GRAMD2B: variants seen among roughly 807,000 people sequenced by gnomAD.
GRAMD2B encodes GRAM domain-containing protein 2B.
Under a neutral mutation model 59.2 loss-of-function variants are expected in GRAMD2B, and 41 were observed. The observed-to-expected ratio is 0.69, with a 90% confidence interval of 0.54 to 0.90. The LOEUF is 0.90. GRAMD2B is among the 40% of genes least tolerant of loss of function. The pLI, the probability that GRAMD2B is intolerant of heterozygous loss-of-function variation, is 0.00. For missense variants in GRAMD2B, 424 were observed against 500.5 expected (o/e 0.85, Z 1.46); for synonymous variants, 161 against 182.7 (o/e 0.88, Z 0.96).
chr5:126,480,599 G>T, intron 7 of GRAMD2B, 28 bp from the exon 8 acceptor site: 1 of 1,610,778 alleles, frequency 6.2e-7, no homozygotes, highest in Non-Finnish European at 8.5e-7. Context: ...AGTTAATCTG[G>T]CTTTTCGTTT....
At chr5:126,383,731 A>G (rs1049911313) in intron 1 of GRAMD2B, among the ~76,000 whole-genome samples, 5 of 152,216 alleles carry the variant, frequency 3.3e-5, no homozygotes, top group African/African-American at 9.6e-5. Context: ...GGACGAATTT[A>G]TTCACCCAGC....
At chr5:126,386,875 T>G (rs1006315557) in intron 1 of GRAMD2B, among the ~76,000 whole-genome samples, 12 of 152,114 alleles carry the variant, frequency 7.9e-5, no homozygotes, top group African/African-American at 2.4e-4. Context: ...ACAACATAGG[T>G]GAATTGTCAC....
chr5:126,396,903 G>C (rs759246762), intron 1 of GRAMD2B, among the ~76,000 whole-genome samples: 2 of 152,120 alleles, frequency 1.3e-5, no homozygotes, highest in Non-Finnish European at 2.9e-5. Context: ...CTGTGGTTTT[G>C]ATTTGCATTT....
intron 1 of GRAMD2B, among the ~76,000 whole-genome samples, chr5:126,401,007 A>AT (rs1235598598): frequency 2.0e-5 from 3 of 152,064 alleles, no homozygotes; most frequent in Non-Finnish European, 2.9e-5. Context: ...TTTTCAGCCA[A>AT]TTTTTTAAAA....
chr5:126,404,868 A>T (rs1164550989), intron 1 of GRAMD2B, among the ~76,000 whole-genome samples: 1 of 151,902 alleles, frequency 6.6e-6, no homozygotes, highest in Non-Finnish European at 1.5e-5. Flanking sequence ...TAATAACAAA[A>T]AATAAATCAT....
chr5:126,382,938 C>G (rs1340507503), intron 1 of GRAMD2B, among the ~76,000 whole-genome samples: 1 of 152,024 alleles, frequency 6.6e-6, no homozygotes, highest in Non-Finnish European at 1.5e-5. Context: ...TCCTGAGAGC[C>G]AGACTGCAGT....
At chr5:126,408,092 C>G (rs765845456) in intron 1 of GRAMD2B, among the ~76,000 whole-genome samples, 5 of 151,934 alleles carry the variant, frequency 3.3e-5, no homozygotes, top group Non-Finnish European at 5.9e-5. Context: ...TTTTTCAACC[C>G]TTGCTCCCCT....
At chr5:126,452,584 A>G (rs1465442026) in intron 1 of GRAMD2B, among the ~76,000 whole-genome samples, 1 of 152,194 alleles carries the variant, frequency 6.6e-6, no homozygotes, top group Admixed American at 6.5e-5. Context: ...TTATCCGTCC[A>G]TCAGTAAGTC....
intron 1 of GRAMD2B, among the ~76,000 whole-genome samples, chr5:126,409,340 C>T (rs1198635004): frequency 3.9e-5 from 6 of 152,200 alleles, no homozygotes; most frequent in Non-Finnish European, 4.4e-5. Flanking sequence ...CACATCCTCT[C>T]CAGCACTTGT....
At chr5:126,389,548 T>C (rs796684714) in intron 1 of GRAMD2B, among the ~76,000 whole-genome samples, 4 of 152,348 alleles carry the variant, frequency 2.6e-5, no homozygotes, top group African/African-American at 9.6e-5. Flanking sequence ...TTTATTATTA[T>C]TATTGCAAGT....
At chr5:126,459,966 A>G (rs1346747020) in intron 1 of GRAMD2B, among the ~76,000 whole-genome samples, 1 of 152,234 alleles carries the variant, frequency 6.6e-6, no homozygotes, top group Admixed American at 6.5e-5. Flanking sequence ...ATATAAGGAC[A>G]TTTGTTGCAA....
chr5:126,402,848 G>C (rs902853366), intron 1 of GRAMD2B, among the ~76,000 whole-genome samples: 2 of 151,982 alleles, frequency 1.3e-5, no homozygotes, highest in African/African-American at 4.8e-5. Flanking sequence ...AAACACATCT[G>C]GCCCCATGAG....
chr5:126,375,347 C>G (rs549323525), intron 1 of GRAMD2B, among the ~76,000 whole-genome samples: 1 of 151,920 alleles, frequency 6.6e-6, no homozygotes, highest in African/African-American at 2.4e-5. Context: ...TTTTACCTTT[C>G]CAAAATTTAC....
chr5:126,451,957 C>A (rs994946987), intron 1 of GRAMD2B, among the ~76,000 whole-genome samples: 1 of 152,016 alleles, frequency 6.6e-6, no homozygotes, highest in African/African-American at 2.4e-5. Context: ...TGCCTGCTCC[C>A]CCTTCGCCTT....
upstream of GRAMD2B, chr5:126,371,273 T>C (rs1416483937): frequency 9.1e-7 from 1 of 1,101,254 alleles, no homozygotes; most frequent in Non-Finnish European, 1.1e-6. Flanking sequence ...TGTTAATCAT[T>C]AACTGACTTT....
intron 1 of GRAMD2B, chr5:126,465,126 C>A: frequency 8.2e-7 from 1 of 1,220,982 alleles, no homozygotes; most frequent in Non-Finnish European, 1.0e-6. Flanking sequence ...TCCAGGTGAT[C>A]TGCTGCCCCA....
intron 13 of GRAMD2B, among the ~76,000 whole-genome samples, 196 bp downstream of exon 13, chr5:126,489,088 C>T (rs1425159233): frequency 6.6e-6 from 1 of 152,246 alleles, no homozygotes; most frequent in Non-Finnish European, 1.5e-5. Flanking sequence ...GTCTTAATCT[C>T]ATTTTCCTTG....
upstream of GRAMD2B, among the ~76,000 whole-genome samples, chr5:126,422,419 G>C (rs559379548): frequency 6.6e-6 from 1 of 152,042 alleles, no homozygotes; most frequent in Non-Finnish European, 1.5e-5. Context: ...TGCTAGTCTC[G>C]AACTCCTGAC....
chr5:126,399,358 C>G (rs553549330), intron 1 of GRAMD2B, among the ~76,000 whole-genome samples: 2 of 152,122 alleles, frequency 1.3e-5, no homozygotes, highest in African/African-American at 2.4e-5. Flanking sequence ...CCCCACATGT[C>G]GAGGGAGGCA....
Sources: gnomAD v4.1 joint callset for allele counts (sites outside exome capture counted in the v4.1 genomes callset) on GRCh38, gnomAD v4.1.1 for gene constraint, MANE v1.5 for transcripts, NCBI Gene and HGNC (gene_info 2026-07-23, HGNC 2026-07-21) for gene names.